The following RIMS1 variants were observed in gnomAD, a reference collection of about 807,000 sequenced individuals.
The protein encoded by RIMS1 is regulating synaptic membrane exocytosis 1.
A neutral mutation model predicts 214.1 loss-of-function variants in RIMS1; 83 were observed. The observed-to-expected ratio is 0.39, with a 90% CI of 0.32 to 0.47. The LOEUF (loss-of-function observed/expected upper bound fraction) is 0.47. Ranked by LOEUF, RIMS1 falls within the 20% of genes least tolerant of loss-of-function variation. RIMS1 has a pLI of 0.99. For synonymous variants in RIMS1, 793 were observed against 786.8 expected, an observed-to-expected ratio of 1.01 and a Z score of -0.13; for missense variants, 2,050 against 2,161.8, an observed-to-expected ratio of 0.95 and a Z score of 1.03.
chr6:72,255,376 G>C (rs1460071300), intron 16 of RIMS1, among the ~76,000 whole-genome samples: 10 of 152,116 alleles, frequency 6.6e-5, no homozygotes, highest in Admixed American at 6.6e-4. Flanking sequence ...TTATTATCTA[G>C]AGAAGCTCAA....
chr6:71,989,142 AGAG>A (rs1800847787), intron 2 of RIMS1, among the ~76,000 whole-genome samples: 1 of 152,334 alleles, frequency 6.6e-6, no homozygotes. Context: ...ATGGGAAGGG[AGAG>A]GAGGAGATCA....
chr6:72,176,224 G>T (rs1287689464), intron 4 of RIMS1, among the ~76,000 whole-genome samples: 2 of 152,068 alleles, frequency 1.3e-5, no homozygotes, highest in African/African-American at 4.8e-5. Context: ...ATTTCTAAAA[G>T]GTGTGTTTGT....
chr6:72,196,604 AC>A (rs2051021177), intron 6 of RIMS1, among the ~76,000 whole-genome samples: 1 of 6,658 alleles, frequency 1.5e-4, no homozygotes, highest in Admixed American at 1.2e-3. Context: ...TTTTTTTTTT[AC>A]CTATACAGGA....
rs777283802 is a variant in RIMS1, at chr6:72,182,910, C to G, written c.1439C>G (p.Ser480Trp). 7.6e-6 allele frequency: 12 copies of G among 1,577,768 alleles called. No homozygotes were observed. Residue 480 changes from serine to tryptophan, a missense_variant, in exon 6 of 34, where the codon TCG (serine) becomes TGG (tryptophan). Physicochemically the swap from Ser to Trp is radical, Grantham distance 177. Around this residue, in one of 6 missense-constraint regions of RIMS1, gnomAD observed 882 missense variants for 828.9 expected, o/e 1.06. Coordinates refer to ENST00000521978, the MANE Select transcript of RIMS1 (RefSeq NM_014989.7). ...LRKQSRLDPS[S>W]AVLMRKAKRE... The stretch of plus-strand genomic sequence containing the variant: ...AAGCAGAGCCGCCTGGACCCCAGCT[C>G]GGCGGTCCTCATGCGGAAGGCCAAG...
intron 4 of RIMS1, among the ~76,000 whole-genome samples, chr6:72,147,763 A>T (rs749185281): frequency 3.3e-5 from 5 of 152,232 alleles, no homozygotes; most frequent in African/African-American, 4.8e-5. Flanking sequence ...TTTTTAAAAA[A>T]GTCCTTTTGA....
At chr6:71,897,851 C>A (rs1430165957) in intron 1 of RIMS1, among the ~76,000 whole-genome samples, 1 of 151,560 alleles carries the variant, frequency 6.6e-6, no homozygotes, top group African/African-American at 2.4e-5. Context: ...GAATTAGATT[C>A]AAGGAATGTG....
chr6:72,124,900 A>T (rs915669807), intron 4 of RIMS1, among the ~76,000 whole-genome samples: 10 of 152,064 alleles, frequency 6.6e-5, no homozygotes, highest in Non-Finnish European at 1.2e-4. Context: ...CAAGGTTTTT[A>T]GCTTCCTTGC....
At chr6:72,363,660 CAA>C in intron 29 of RIMS1, among the ~76,000 whole-genome samples, 1 of 152,162 alleles carries the variant, frequency 6.6e-6, no homozygotes, top group Admixed American at 6.5e-5. Flanking sequence ...TGGAAACATA[CAA>C]AAAAGATTGA....
intron 2 of RIMS1, among the ~76,000 whole-genome samples, chr6:72,069,226 G>T (rs558763186): frequency 6.6e-6 from 1 of 152,312 alleles, no homozygotes; most frequent in South Asian, 2.1e-4. Context: ...TACTGCTGTA[G>T]GAGATGCCAG....
At chr6:72,389,281 A>G (rs1394626895) in intron 29 of RIMS1, among the ~76,000 whole-genome samples, 1 of 152,222 alleles carries the variant, frequency 6.6e-6, no homozygotes. Context: ...TGGTGAAATT[A>G]TAGGGGGCAT....
intron 2 of RIMS1, among the ~76,000 whole-genome samples, chr6:71,997,846 A>G (rs1032370104): frequency 6.6e-6 from 1 of 152,094 alleles, no homozygotes; most frequent in Non-Finnish European, 1.5e-5. Flanking sequence ...ACTTTTTTAA[A>G]CCTATCTCTG....
chr6:72,052,765 T>C (rs1825067900), intron 2 of RIMS1, among the ~76,000 whole-genome samples: 5 of 152,222 alleles, frequency 3.3e-5, no homozygotes, highest in Admixed American at 3.3e-4. Flanking sequence ...TTCTCTTCCT[T>C]GTTGATTTAG....
At chr6:71,932,583 T>C (rs1423096640) in intron 1 of RIMS1, among the ~76,000 whole-genome samples, 1 of 152,036 alleles carries the variant, frequency 6.6e-6, no homozygotes, top group Non-Finnish European at 1.5e-5. Flanking sequence ...GTGACACAAG[T>C]TTAGCTGTGT....
chr6:72,082,091 A>G (rs944234122), intron 2 of RIMS1, among the ~76,000 whole-genome samples: 8 of 152,226 alleles, frequency 5.3e-5, no homozygotes, highest in Middle Eastern at 3.4e-3. Flanking sequence ...GAAAAAGAGG[A>G]AGCCTTTTTG....
chr6:72,057,199 T>C (rs1478195963), intron 2 of RIMS1, among the ~76,000 whole-genome samples: 3 of 152,200 alleles, frequency 2.0e-5, no homozygotes, highest in African/African-American at 4.8e-5. Flanking sequence ...ACATATTCAG[T>C]TGTGGCTCTC....
chr6:72,360,049 G>C (rs2097769714), intron 29 of RIMS1, among the ~76,000 whole-genome samples: 1 of 152,132 alleles, frequency 6.6e-6, no homozygotes, highest in Non-Finnish European at 1.5e-5. Flanking sequence ...CTTAATTGGA[G>C]TGATTGGGCT....
At chr6:72,025,084 A>G (rs1816006327) in intron 2 of RIMS1, among the ~76,000 whole-genome samples, 1 of 151,798 alleles carries the variant, frequency 6.6e-6, no homozygotes. Context: ...TTGTATTTTT[A>G]GTAGAGACAG....
At chr6:72,252,248 A>T (rs972234034) in intron 15 of RIMS1, among the ~76,000 whole-genome samples, 9 of 152,264 alleles carry the variant, frequency 5.9e-5, no homozygotes, top group African/African-American at 1.9e-4. Context: ...TGCTTCCCTG[A>T]TCAGTAATTT....
chr6:72,278,945 T>G (rs1433198910), intron 23 of RIMS1, among the ~76,000 whole-genome samples: 2 of 152,062 alleles, frequency 1.3e-5, no homozygotes, highest in Admixed American at 6.5e-5. Flanking sequence ...GACATATTCT[T>G]ATGATATCAG....
Sources: gnomAD v4.1 joint callset for allele counts (sites outside exome capture counted in the v4.1 genomes callset) on GRCh38, gnomAD v4.1.1 for gene constraint, gnomAD v4.1.1 regional missense constraint, MANE v1.5 for transcripts, NCBI Gene and HGNC (gene_info 2026-07-23, HGNC 2026-07-21) for gene names.